The following CTNNA3 variants were observed in gnomAD, a reference collection of about 807,000 sequenced individuals.
CTNNA3 encodes catenin alpha-3.
CTNNA3 carries 76 observed loss-of-function variants against 95.7 expected under a neutral mutation model. The ratio of observed to expected loss-of-function variants is 0.79; its 90% CI spans 0.66 to 0.96. The LOEUF is 0.96. Ranked by LOEUF, CTNNA3 falls within the 40% of genes least tolerant of loss-of-function variation. CTNNA3 has a pLI of 0.00. For missense variants in CTNNA3, 1,191 were observed against 1,089.8 expected (o/e 1.09, Z -1.31); for synonymous variants, 431 against 374.4 (o/e 1.15, Z -1.74).
intron 9 of CTNNA3, among the ~76,000 whole-genome samples, chr10:66,690,933 C>G (rs1036004438): frequency 1.3e-5 from 2 of 152,098 alleles, no homozygotes; most frequent in African/African-American, 4.8e-5. Flanking sequence ...GTTTGCAGTC[C>G]CACCAACAGC....
intron 9 of CTNNA3, among the ~76,000 whole-genome samples, chr10:66,737,757 T>G (rs981019319): frequency 2.0e-5 from 3 of 152,080 alleles, no homozygotes; most frequent in African/African-American, 7.2e-5. Context: ...ACTGCCTGGT[T>G]CAAGTGATTC....
chr10:67,000,753 C>G (rs1230286306), intron 7 of CTNNA3, among the ~76,000 whole-genome samples: 1 of 152,086 alleles, frequency 6.6e-6, no homozygotes, highest in Non-Finnish European at 1.5e-5. Flanking sequence ...CACCCCACAC[C>G]TGACAATTAC....
intron 9 of CTNNA3, among the ~76,000 whole-genome samples, chr10:66,732,324 C>A (rs7083773): frequency 0.61 from 92,258 of 152,034 alleles, 28,488 homozygotes; most frequent in East Asian, 0.74. Flanking sequence ...TAGTTTTAGC[C>A]AAGGAGGAAC....
chr10:67,530,614 A>G (rs1476607797), intron 4 of CTNNA3, among the ~76,000 whole-genome samples: 2 of 152,256 alleles, frequency 1.3e-5, no homozygotes, highest in Admixed American at 6.5e-5. Context: ...GAAGCAGAGC[A>G]TAAAGTTTGG....
chr10:66,815,256 A>T (rs1342595005), intron 7 of CTNNA3, among the ~76,000 whole-genome samples: 1 of 152,136 alleles, frequency 6.6e-6, no homozygotes, highest in African/African-American at 2.4e-5. Flanking sequence ...TGTTCTAGAA[A>T]AACGGTTGAA....
At chr10:66,445,435 T>A (rs182535954) in intron 11 of CTNNA3, among the ~76,000 whole-genome samples, 5,544 of 152,036 alleles carry the variant, frequency 0.036, 339 homozygotes, top group East Asian at 0.23. Context: ...AAAGCACTCC[T>A]CAGCAAATGT....
chr10:66,800,707 TAA>T (rs1297967767), intron 7 of CTNNA3, among the ~76,000 whole-genome samples: 1 of 151,360 alleles, frequency 6.6e-6, no homozygotes, highest in Non-Finnish European at 1.5e-5. Context: ...AGGAACTATA[TAA>T]AGACATGAAT....
intron 9 of CTNNA3, among the ~76,000 whole-genome samples, chr10:66,640,746 A>G (rs1321933707): frequency 1.3e-5 from 2 of 152,038 alleles, no homozygotes; most frequent in East Asian, 1.9e-4. Context: ...TTTTCCCCCC[A>G]CCATTAGTAG....
chr10:66,101,086 T>G (rs947044393), intron 14 of CTNNA3, among the ~76,000 whole-genome samples: 1 of 152,146 alleles, frequency 6.6e-6, no homozygotes, highest in Admixed American at 6.6e-5. Flanking sequence ...TCAGCCTGAG[T>G]GAACCACGCA....
chr10:66,733,151 C>T (rs971409266), intron 9 of CTNNA3, among the ~76,000 whole-genome samples: 2 of 151,868 alleles, frequency 1.3e-5, no homozygotes, highest in African/African-American at 2.4e-5. Flanking sequence ...AAGATATGTT[C>T]TTTAAAGAAA....
intron 2 of CTNNA3, among the ~76,000 whole-genome samples, chr10:67,614,309 A>G (rs899785195): frequency 2.0e-5 from 3 of 152,308 alleles, no homozygotes; most frequent in African/African-American, 7.2e-5. Context: ...TTCACCTCTC[A>G]GTTTCAGGAT....
At chr10:66,924,919 GC>G (rs1180715328) in intron 7 of CTNNA3, among the ~76,000 whole-genome samples, 1 of 152,114 alleles carries the variant, frequency 6.6e-6, no homozygotes, top group Non-Finnish European at 1.5e-5. Flanking sequence ...GAATCTAGGT[GC>G]CAAAATCTAT....
intron 10 of CTNNA3, among the ~76,000 whole-genome samples, chr10:66,598,582 G>T (rs1843807114): frequency 2.0e-5 from 3 of 151,902 alleles, no homozygotes; most frequent in Admixed American, 6.6e-5. Flanking sequence ...CAGAACATAT[G>T]AAGAATCAGT....
intron 11 of CTNNA3, among the ~76,000 whole-genome samples, chr10:66,494,412 A>T (rs144101828): frequency 4.5e-4 from 68 of 152,352 alleles, no homozygotes; most frequent in African/African-American, 1.6e-3. Flanking sequence ...TTTCACAGAG[A>T]CAGTAGAAAA....
chr10:66,840,410 A>ACCC (rs1554861314), intron 7 of CTNNA3, among the ~76,000 whole-genome samples: 30 of 114,682 alleles, frequency 2.6e-4, no homozygotes, highest in African/African-American at 1.0e-3. Context: ...ACACACACAC[A>ACCC]CCCCTCGGTA....
intron 15 of CTNNA3, among the ~76,000 whole-genome samples, chr10:66,055,532 T>C (rs1415232809): frequency 1.3e-5 from 2 of 152,208 alleles, no homozygotes; most frequent in African/African-American, 4.8e-5. Context: ...TGTTGTTATA[T>C]AGAAATGCTA....
At chr10:66,085,201 A>C (rs1476645466) in intron 14 of CTNNA3, among the ~76,000 whole-genome samples, 1 of 152,160 alleles carries the variant, frequency 6.6e-6, no homozygotes, top group Non-Finnish European at 1.5e-5. Flanking sequence ...ATTCATTTTG[A>C]AACAATATAT....
intron 5 of CTNNA3, among the ~76,000 whole-genome samples, chr10:67,452,297 G>T (rs1222101819): frequency 6.6e-6 from 1 of 151,992 alleles, no homozygotes; most frequent in African/African-American, 2.4e-5. Context: ...TAACGTAATT[G>T]CCTGCAAAAT....
At chr10:67,279,906 G>A (rs192756721) in intron 5 of CTNNA3, among the ~76,000 whole-genome samples, 1 of 150,482 alleles carries the variant, frequency 6.6e-6, no homozygotes, top group Admixed American at 6.6e-5. Context: ...AACGGACAGA[G>A]AAAATTTCAT....
Sources: allele counts gnomAD v4.1 joint callset (sites outside exome capture counted in the v4.1 genomes callset), GRCh38; gene constraint gnomAD v4.1.1; transcripts MANE v1.5; gene names NCBI Gene and HGNC (gene_info 2026-07-23, HGNC 2026-07-21).